NLGN1: variants seen among roughly 807,000 people sequenced by gnomAD.
NLGN1 encodes the protein neuroligin-1.
NLGN1 carries 12 observed loss-of-function variants against 65.5 expected under a neutral mutation model. That is an observed-to-expected ratio of 0.18 (90% confidence interval 0.12 to 0.30). The LOEUF is 0.30. Ranked by LOEUF, NLGN1 falls within the 10% of genes least tolerant of loss-of-function variation. NLGN1 has a pLI of 1.00. For synonymous variants in NLGN1, 350 were observed against 359.5 expected (o/e 0.97, Z 0.30); for missense variants, 750 against 1,007.1 (o/e 0.74, Z 3.46).
intron 4 of NLGN1, among the ~76,000 whole-genome samples, chr3:174,182,252 A>G (rs1295346407): frequency 1.3e-5 from 2 of 151,980 alleles, no homozygotes; most frequent in Non-Finnish European, 2.9e-5. Flanking sequence ...TAACCTCTTA[A>G]CTCGTCTCCC....
chr3:174,124,436 G>T (rs1165087186), intron 4 of NLGN1, among the ~76,000 whole-genome samples: 1 of 151,160 alleles, frequency 6.6e-6, no homozygotes, highest in Non-Finnish European at 1.5e-5. Flanking sequence ...CATAGTCCCT[G>T]TTCTATGGGA....
Position 173,675,885 on chromosome 3 carries a change from TCTCA to T in NLGN1, c.493+70796_493+70799del, listed in dbSNP as rs773275204. Among the ~76,000 whole-genome samples, 752 of 121,130 alleles carry T rather than the reference TCTCA, an allele frequency of 6.2e-3. 3 individuals are homozygous for T. Among genetic ancestry groups the T allele is most frequent in the Non-Finnish European group, 0.01 (568 of 55,494 alleles). 79.5% of individuals were successfully genotyped at this position (121,130 alleles called of 152,430 possible). ...CTCTCTTTGTCTCTCTCTCTCTCTC[TCTCA>T]CACACACACACACACACACACACAC... On this transcript the variant is annotated intron_variant, in intron 3 of 6. Transcript: ENST00000457714.
chr3:173,935,879 G>A (rs1744985093), intron 4 of NLGN1, among the ~76,000 whole-genome samples: 1 of 151,924 alleles, frequency 6.6e-6, no homozygotes, highest in African/African-American at 2.4e-5. Context: ...CATGAGGGAA[G>A]TTGATAGCTA....
intron 4 of NLGN1, chr3:174,202,600 A>G (rs923026791): frequency 1.3e-5 from 2 of 152,176 alleles, no homozygotes; most frequent in Non-Finnish European, 2.9e-5. Flanking sequence ...TGCTGTGTGT[A>G]TATTTTCAGC....
At chr3:173,737,964 TATCTC>T (rs1774044060) in intron 3 of NLGN1, among the ~76,000 whole-genome samples, 1 of 152,130 alleles carries the variant, frequency 6.6e-6, no homozygotes. Context: ...TGTGAAATCA[TATCTC>T]ATTGGGTTTT....
chr3:173,603,254 G>A (rs1357807601), intron 2 of NLGN1, among the ~76,000 whole-genome samples: 2 of 152,114 alleles, frequency 1.3e-5, no homozygotes, highest in Non-Finnish European at 2.9e-5. Flanking sequence ...TTTGAGCTGT[G>A]TGTTATTTGA....
intron 4 of NLGN1, among the ~76,000 whole-genome samples, chr3:173,848,083 T>C (rs929117836): frequency 5.9e-5 from 9 of 152,188 alleles, no homozygotes; most frequent in African/African-American, 2.2e-4. Flanking sequence ...GTTCAGATTA[T>C]AGAGTCTCCA....
At chr3:173,483,889 T>C (rs1441880454) in intron 2 of NLGN1, among the ~76,000 whole-genome samples, 1 of 152,156 alleles carries the variant, frequency 6.6e-6, no homozygotes, top group Non-Finnish European at 1.5e-5. Context: ...AAAGGGTATG[T>C]CCATCTTTAA....
At chr3:174,001,117 A>G (rs926073801) in intron 4 of NLGN1, among the ~76,000 whole-genome samples, 5 of 152,216 alleles carry the variant, frequency 3.3e-5, no homozygotes, top group Admixed American at 2.6e-4. Flanking sequence ...TTGAAAAAAC[A>G]TTCTAAAATA....
chr3:174,156,675 A>G (rs1725496879), intron 4 of NLGN1, among the ~76,000 whole-genome samples: 1 of 151,786 alleles, frequency 6.6e-6, no homozygotes, highest in Non-Finnish European at 1.5e-5. Context: ...TTCATATTTA[A>G]GAGGTAAAGT....
At position 173,550,342 on chromosome 3, in the gene NLGN1, C is replaced by T. The variant is rs73045443; in HGVS notation, c.-320-53937C>T. Among the ~76,000 whole-genome samples, 862 of 151,992 alleles carry T rather than the reference C, an allele frequency of 5.7e-3. 8 individuals are homozygous for T. The highest frequency in any genetic ancestry group is 0.019 in the African/African-American group (802 of 41,504). On this transcript the variant is annotated intron_variant, in intron 2 of 6. Transcript: ENST00000457714. Reference sequence around the variant, plus strand: ...ATATATGTCATGTTTTGATGAATAGCGTGTTTCGGCACACATGCATGTTGT... The same window carrying T: ...ATATATGTCATGTTTTGATGAATAGTGTGTTTCGGCACACATGCATGTTGT...
At chr3:173,507,758 A>G (rs1732265929) in intron 2 of NLGN1, among the ~76,000 whole-genome samples, 2 of 152,242 alleles carry the variant, frequency 1.3e-5, no homozygotes, top group East Asian at 1.9e-4. Context: ...ACATTATGCT[A>G]AATATGGCCC....
intron 4 of NLGN1, among the ~76,000 whole-genome samples, chr3:173,882,950 T>C (rs1221977185): frequency 6.6e-6 from 1 of 150,434 alleles, no homozygotes; most frequent in African/African-American, 2.5e-5. Flanking sequence ...ACTTGAACGC[T>C]TAGCAGCCAT....
intron 2 of NLGN1, among the ~76,000 whole-genome samples, chr3:173,473,618 CTT>C (rs1259593274): frequency 6.6e-6 from 1 of 151,920 alleles, no homozygotes; most frequent in Admixed American, 6.5e-5. Context: ...TCAGAAAACT[CTT>C]TCTTTTTTCA....
At chr3:173,610,954 A>G (rs141105320) in intron 3 of NLGN1, among the ~76,000 whole-genome samples, 26 of 152,174 alleles carry the variant, frequency 1.7e-4, no homozygotes, top group Admixed American at 5.2e-4. Context: ...CAGCAAACGA[A>G]CAATATTAAA....
chr3:174,234,083 A>G (rs558340957), intron 4 of NLGN1, among the ~76,000 whole-genome samples: 154 of 152,280 alleles, frequency 1.0e-3, no homozygotes, highest in African/African-American at 3.2e-3. Context: ...TTGAGTCTGC[A>G]GCAACCTCAA....
At chr3:173,652,333 GC>G (rs1458611286) in intron 3 of NLGN1, among the ~76,000 whole-genome samples, 2 of 152,200 alleles carry the variant, frequency 1.3e-5, no homozygotes, top group African/African-American at 4.8e-5. Flanking sequence ...AGTCATGAAT[GC>G]CTTGCCTGGG....
At chr3:173,863,614 AGGAT>A (rs1363690007) in intron 4 of NLGN1, among the ~76,000 whole-genome samples, 1 of 152,232 alleles carries the variant, frequency 6.6e-6, no homozygotes, top group Non-Finnish European at 1.5e-5. Flanking sequence ...AGGAAAAAGG[AGGAT>A]GTGCACATGG....
At chr3:174,229,288 T>C (rs1740271122) in intron 4 of NLGN1, among the ~76,000 whole-genome samples, 1 of 152,162 alleles carries the variant, frequency 6.6e-6, no homozygotes, top group Non-Finnish European at 1.5e-5. Context: ...ATCTGTCATT[T>C]AACTAGTGGT....
Sources: allele counts gnomAD v4.1 joint callset (sites outside exome capture counted in the v4.1 genomes callset), GRCh38; gene constraint gnomAD v4.1.1; transcripts MANE v1.5; gene names NCBI Gene and HGNC (gene_info 2026-07-23, HGNC 2026-07-21).